The following DAPP1 variants were observed in gnomAD, a reference collection of about 807,000 sequenced individuals.
DAPP1 encodes the protein dual adapter for phosphotyrosine and 3-phosphotyrosine and 3-phosphoinositide.
In DAPP1, 20 loss-of-function variants were observed where a neutral mutation model predicts 41.5. The ratio of observed to expected loss-of-function variants is 0.48; its 90% CI spans 0.34 to 0.70. The LOEUF is 0.70. DAPP1 is among the 30% of genes least tolerant of loss of function. DAPP1 has a pLI of 0.01. For synonymous variants in DAPP1, 113 were observed against 116.2 expected, an observed-to-expected ratio of 0.97 and a Z score of 0.18; for missense variants, 233 against 333.4, an observed-to-expected ratio of 0.70 and a Z score of 2.35.
chr4:99,851,392 A>G (rs1335187125), intron 3 of DAPP1, among the ~76,000 whole-genome samples: 2 of 152,136 alleles, frequency 1.3e-5, no homozygotes, highest in Non-Finnish European at 2.9e-5. Context: ...TCGAGATCAG[A>G]CACCCTCTTC....
chr4:99,843,571 C>G (rs894382481), intron 3 of DAPP1, among the ~76,000 whole-genome samples: 1 of 152,068 alleles, frequency 6.6e-6, no homozygotes, highest in African/African-American at 2.4e-5. Context: ...ATTAAAGTTT[C>G]TGTTCACTCT....
At chr4:99,865,464 C>T (rs1248493942) in intron 7 of DAPP1, 1 of 152,156 alleles carries the variant, frequency 6.6e-6, no homozygotes, top group Admixed American at 6.6e-5. Flanking sequence ...GGAGAAATAA[C>T]TAATTTAGTT....
At chr4:99,836,254 T>C (rs1484402809) in intron 2 of DAPP1, among the ~76,000 whole-genome samples, 4 of 152,196 alleles carry the variant, frequency 2.6e-5, no homozygotes, top group African/African-American at 9.7e-5. Flanking sequence ...GTAAGAAAGT[T>C]AATCCAGTCC....
In DAPP1 at chr4:99,839,362, G is replaced by T. The variant is rs990501166; in HGVS notation, c.225-927G>T. Reference sequence around the variant, plus strand: ...GTGGAGAGGCAGATATATATATATAGATATATATAGATATCTATAGATATA... The same window carrying T: ...GTGGAGAGGCAGATATATATATATATATATATATAGATATCTATAGATATA... On this transcript the variant is annotated intron_variant, in intron 2 of 8. Transcript: ENST00000512369. 4.4e-5 allele frequency among the ~76,000 whole-genome samples: 6 copies of T among 135,578 alleles called. No homozygotes were observed. The East Asian group carries it at 7.8e-4, about 18-fold the overall frequency. 88.9% of individuals were successfully genotyped at this position (135,578 alleles called of 152,430 possible).
At position 99,844,591 on chromosome 4, in the gene DAPP1, A is replaced by G. The variant is rs559579318; in HGVS notation, c.358+4169A>G. On this transcript the variant is annotated intron_variant, in intron 3 of 8. Coordinates refer to ENST00000512369, the MANE Select transcript of DAPP1 (RefSeq NM_014395.3). ...TTACTTTTACCATTACCTTTTGTTT[A>G]TGTTTCAATAATTCTTAACATGAAA... 2.0e-4 allele frequency: 30 copies of G among 152,300 alleles called. No homozygotes were observed. The East Asian group carries it at 3.7e-3, about 19-fold the overall frequency. 9.4% of individuals were successfully genotyped at this position (152,300 alleles called of 1,614,324 possible). A position where few individuals can be genotyped will look rare whatever the true frequency, so the allele number is the denominator to read the frequency against.
intron 4 of DAPP1, among the ~76,000 whole-genome samples, chr4:99,855,827 G>T (rs148381128): frequency 0.01 from 1,573 of 152,282 alleles, 6 homozygotes; most frequent in Admixed American, 0.015. Context: ...CAGCCTGAGA[G>T]CCCTGAGGGT....
intron 1 of DAPP1, among the ~76,000 whole-genome samples, chr4:99,818,688 CA>C (rs543061218): frequency 2.3e-4 from 33 of 144,274 alleles, no homozygotes; most frequent in African/African-American, 3.3e-4. Context: ...CACTTCCCTG[CA>C]AAAAAAAAAG....
At chr4:99,828,480 A>C (rs1237690963) in intron 1 of DAPP1, among the ~76,000 whole-genome samples, 2 of 152,212 alleles carry the variant, frequency 1.3e-5, no homozygotes, top group Non-Finnish European at 2.9e-5. Flanking sequence ...TCCTTTAAAG[A>C]ACAGAACAAA....
chr4:99,837,551 TTGAG>T (rs1173585726), intron 2 of DAPP1, among the ~76,000 whole-genome samples: 1 of 152,204 alleles, frequency 6.6e-6, no homozygotes, highest in African/African-American at 2.4e-5. Flanking sequence ...GGAATTCTGT[TTGAG>T]TGGCAACAAG....
At chr4:99,854,754 G>A (rs974912573) in intron 4 of DAPP1, among the ~76,000 whole-genome samples, 8 of 152,146 alleles carry the variant, frequency 5.3e-5, no homozygotes, top group African/African-American at 1.7e-4. Flanking sequence ...TATCTTCCAG[G>A]AAGCCTTTCT....
intron 4 of DAPP1, among the ~76,000 whole-genome samples, chr4:99,859,724 C>T (rs1724171622): frequency 6.6e-6 from 1 of 152,248 alleles, no homozygotes; most frequent in South Asian, 2.1e-4. Context: ...TTCCAGGCCA[C>T]TGCTGCTCCC....
At chr4:99,860,092 G>A (rs969566733) in intron 4 of DAPP1, among the ~76,000 whole-genome samples, 2 of 152,198 alleles carry the variant, frequency 1.3e-5, no homozygotes, top group Non-Finnish European at 2.9e-5. Flanking sequence ...CCCCAATGGG[G>A]GCTCTTATAA....
At chr4:99,846,326 T>G (rs1302268739) in intron 3 of DAPP1, among the ~76,000 whole-genome samples, 1 of 152,192 alleles carries the variant, frequency 6.6e-6, no homozygotes, top group Non-Finnish European at 1.5e-5. Flanking sequence ...AATTCTAAGT[T>G]TCAACTCCAG....
intron 1 of DAPP1, among the ~76,000 whole-genome samples, chr4:99,821,832 C>T (rs1435721058): frequency 2.0e-5 from 3 of 152,168 alleles, no homozygotes; most frequent in African/African-American, 7.2e-5. Context: ...TCTTTCTATT[C>T]CTCACATAAT....
intron 1 of DAPP1, among the ~76,000 whole-genome samples, 157 bp from the exon 2 acceptor site, chr4:99,835,466 C>A (rs1723267740): frequency 6.6e-6 from 1 of 152,206 alleles, no homozygotes; most frequent in Admixed American, 6.5e-5. Context: ...CAGCCCCACC[C>A]AGGGATTTCC....
chr4:99,843,008 G>C (rs963980366), intron 3 of DAPP1, among the ~76,000 whole-genome samples: 1 of 152,138 alleles, frequency 6.6e-6, no homozygotes, highest in African/African-American at 2.4e-5. Context: ...ACCAGGAAAA[G>C]CATTTGTCCA....
In DAPP1 at chr4:99,866,029, A is replaced by G. The variant is rs376049747; in HGVS notation, c.687-5A>G. The G allele has an allele frequency of 4.9e-5, 71 of 1,436,064 alleles. No homozygotes were observed. In the East Asian group the frequency reaches 5.0e-4, roughly 10 times the overall value. The allele number at this position is 1,436,064 out of a possible 1,614,324, so 89.0% of individuals were successfully genotyped here. ...TATCTTATGTTCTTTCTTTTGTCCT[A>G]TTAGTTTGGTATTTCCATTCAGGAC... On this transcript the variant is annotated splice_polypyrimidine_tract_variant and splice_region_variant and intron_variant, in intron 7 of 8. Transcript: ENST00000512369.
At chr4:99,851,998 G>A (rs1723878929) in intron 3 of DAPP1, among the ~76,000 whole-genome samples, 2 of 151,974 alleles carry the variant, frequency 1.3e-5, no homozygotes, top group South Asian at 2.1e-4. Flanking sequence ...CCTTCCTGAT[G>A]ACCCTTGTAA....
chr4:99,835,583 T>C, intron 1 of DAPP1, 40 bp from the exon 2 acceptor site: 2 of 1,603,292 alleles, frequency 1.2e-6, no homozygotes, highest in East Asian at 2.2e-5. Context: ...AGTCATGCCA[T>C]GGTTTGGCCT....
Sources: allele counts gnomAD v4.1 joint callset (sites outside exome capture counted in the v4.1 genomes callset), GRCh38; gene constraint gnomAD v4.1.1; transcripts MANE v1.5; gene names NCBI Gene and HGNC (gene_info 2026-07-23, HGNC 2026-07-21).